The following DBH variants were observed in gnomAD, a reference collection of about 807,000 sequenced individuals.
DBH encodes dopamine beta-hydroxylase (dopamine beta-monooxygenase).
DBH carries 49 observed loss-of-function variants against 64.0 expected under a neutral mutation model. The observed-to-expected ratio is 0.77, with a 90% confidence interval of 0.61 to 0.97. DBH has a LOEUF of 0.97. DBH is among the 50% of genes least tolerant of loss of function. The pLI, the probability that DBH is intolerant of heterozygous loss-of-function variation, is 0.00. For missense variants in DBH, 828 were observed against 826.6 expected (o/e 1.00, Z -0.02); for synonymous variants, 343 against 347.1 (o/e 0.99, Z 0.13).
At chr9:133,651,495 G>A (rs1832247706) in intron 6 of DBH, 139 bp from the exon 7 acceptor site, 41 of 1,091,782 alleles carry the variant, frequency 3.8e-5, no homozygotes, top group Non-Finnish European at 5.0e-5. Flanking sequence ...TAACCTGGCC[G>A]GGGAGAAAGA....
intron 7 of DBH, 87 bp from the exon 8 acceptor site, chr9:133,652,159 G>T: frequency 2.0e-6 from 3 of 1,485,766 alleles, no homozygotes; most frequent in Non-Finnish European, 2.8e-6. Flanking sequence ...GGTCAGGGAG[G>T]CCTGAGGGAG....
At chr9:133,647,821 C>A in intron 5 of DBH, 25 bp from the exon 6 acceptor site, 1 of 1,614,066 alleles carries the variant, frequency 6.2e-7, no homozygotes, top group South Asian at 1.1e-5. Context: ...TACCGCTCAC[C>A]TCCATCCATC....
intron 5 of DBH, among the ~76,000 whole-genome samples, chr9:133,647,635 G>A (rs1300077481): frequency 5.9e-5 from 9 of 152,210 alleles, no homozygotes; most frequent in Non-Finnish European, 8.8e-5. Context: ...GCCTGTTTGC[G>A]TTAATTGATC....
Position 133,658,585 on chromosome 9 carries a change from G to A in DBH, c.*138G>A. The A allele has an allele frequency of 9.7e-7, 1 of 1,031,572 alleles. No homozygotes were observed. The highest frequency in any genetic ancestry group is 1.4e-6 in the Non-Finnish European group (1 of 737,856). The allele number at this position is 1,031,572 out of a possible 1,614,324, so 63.9% of individuals were successfully genotyped here. ...GGGGCCAGACCACGCCCCTGCCTGA[G>A]ACCACGGTCCAATCCAGCCTTCTTC... is the stretch of plus-strand genomic sequence containing the variant. On this transcript the variant is annotated 3_prime_UTR_variant, in exon 12 of 12. Coordinates refer to ENST00000393056, the MANE Select transcript of DBH (RefSeq NM_000787.4).
intron 1 of DBH, among the ~76,000 whole-genome samples, chr9:133,637,015 C>T (rs968715038): frequency 6.6e-6 from 1 of 152,172 alleles, no homozygotes; most frequent in Non-Finnish European, 1.5e-5. Context: ...ACACTCGTGC[C>T]GCTCCACACC....
chr9:133,642,567 AG>A, intron 3 of DBH, 103 bp downstream of exon 3: 2 of 1,424,630 alleles, frequency 1.4e-6, no homozygotes, highest in Non-Finnish European at 1.9e-6. Flanking sequence ...TGGTTGGACC[AG>A]GTGTCCTCTT....
chr9:133,637,849 C>T (rs1832070980), intron 1 of DBH, among the ~76,000 whole-genome samples: 1 of 152,194 alleles, frequency 6.6e-6, no homozygotes, highest in Non-Finnish European at 1.5e-5. Context: ...CTGGGAAGGG[C>T]CCTGCTCTGA....
chr9:133,637,642 T>C (rs3025386), intron 1 of DBH, among the ~76,000 whole-genome samples: 33,628 of 152,262 alleles, frequency 0.22, 4,548 homozygotes, highest in African/African-American at 0.39. Context: ...CAGCTCTGCA[T>C]CTTGGTCTCA....
rs1187789846 is a variant in DBH, at chr9:133,658,017, CT to C, written c.1723-298del. Among the ~76,000 whole-genome samples, 3 of 152,256 alleles carry C rather than the reference CT, an allele frequency of 2.0e-5. No homozygotes were observed. In the East Asian group the frequency reaches 5.8e-4, roughly 29 times the overall value. On this transcript the variant is annotated intron_variant, in intron 11 of 11. Transcript: ENST00000393056. ...AGAGATAGCTAAAAAATATCAGAGC[CT>C]GCAGCCAGGGGCTCTGGTTGCTACA...
intron 8 of DBH, 81 bp from the exon 9 acceptor site, chr9:133,652,859 C>G: frequency 1.1e-6 from 1 of 936,282 alleles, no homozygotes; most frequent in East Asian, 2.4e-5. Context: ...TGCACAGTGG[C>G]GTGGTCCTAT....
At chr9:133,645,930 G>A (rs1448493919) in intron 5 of DBH, among the ~76,000 whole-genome samples, 1 of 152,102 alleles carries the variant, frequency 6.6e-6, no homozygotes, top group Non-Finnish European at 1.5e-5. Flanking sequence ...AGCATTTTTG[G>A]CACCCAGGGA....
chr9:133,644,440 C>T (rs1832157938), intron 5 of DBH, 120 bp downstream of exon 5: 3 of 823,358 alleles, frequency 3.6e-6, no homozygotes, highest in Non-Finnish European at 6.1e-6. Context: ...CTCCTCTTGG[C>T]ACGAGGCCCT....
rs141383178 is a variant in DBH at position 133,641,901 on chromosome 9, C to T, written c.487-306C>T. Among the ~76,000 whole-genome samples, 189 of 152,328 alleles carry T rather than the reference C, an allele frequency of 1.2e-3. 1 individual carries two copies. Among genetic ancestry groups the T allele is most frequent in the Non-Finnish European group, 2.1e-3 (142 of 68,034 alleles). On this transcript the variant is annotated intron_variant, in intron 2 of 11. Coordinates refer to ENST00000393056, the MANE Select transcript of DBH (RefSeq NM_000787.4). Reference sequence around the variant, plus strand: ...GGGTTGGTGGAGGGAACAAATGTTCCGGCCACACTGGCTCACGGCGGGCCC... The same window carrying T: ...GGGTTGGTGGAGGGAACAAATGTTCTGGCCACACTGGCTCACGGCGGGCCC...
At position 133,643,436 on chromosome 9, in the gene DBH, C is replaced by T; in HGVS notation, c.768C>T (p.Gly256=). 1 of 1,613,960 alleles carries T rather than the reference C, an allele frequency of 6.2e-7. No individual in the cohort carries two copies. The highest frequency in any genetic ancestry group is 2.2e-5 in the East Asian group (1 of 44,868). ...IIKYEPIVTK[G]NEALVHHMEV... is the part of the protein sequence containing the mutation. ...AGTACGAGCCCATCGTCACCAAGGG[C>T]AATGAGGCCCTTGTCCACCACATGG... Residue 256 remains glycine (G), a synonymous_variant, in exon 4 of 12, where the codon GGC becomes GGT. Transcript: ENST00000393056. This position sits in a 1 kb window ranked among gnomAD's most constrained non-coding sequence, Gnocchi z 5.3.
intron 11 of DBH, among the ~76,000 whole-genome samples, chr9:133,657,582 T>A (rs1172424633): frequency 6.6e-6 from 1 of 151,804 alleles, no homozygotes; most frequent in Non-Finnish European, 1.5e-5. Context: ...TGGTGACACC[T>A]CCACACTGTA....
intron 6 of DBH, among the ~76,000 whole-genome samples, chr9:133,649,737 C>T (rs1454459515): frequency 6.6e-6 from 1 of 152,246 alleles, no homozygotes; most frequent in African/African-American, 2.4e-5. Flanking sequence ...GTAAAAGGCA[C>T]CTTGGCCAGG....
At chr9:133,647,135 A>G (rs1832191047) in intron 5 of DBH, among the ~76,000 whole-genome samples, 1 of 152,186 alleles carries the variant, frequency 6.6e-6, no homozygotes, top group Non-Finnish European at 1.5e-5. Flanking sequence ...CTGGGGGGCC[A>G]CATTCTCACT....
Position 133,643,760 on chromosome 9 carries a change from T to C in DBH, c.921+171T>C, listed in dbSNP as rs1267140167. ...AGGTGGCCCCCTCGCCTCTGTGATG[T>C]CTGAAATGCTTCAAGCCTTTTTTTT... On this transcript the variant is annotated intron_variant, in intron 4 of 11. Coordinates refer to ENST00000393056, the MANE Select transcript of DBH (RefSeq NM_000787.4). This position sits in a 1 kb window ranked among gnomAD's most constrained non-coding sequence, Gnocchi z 5.3. Among the ~76,000 whole-genome samples the C allele has an allele frequency of 6.6e-6, 1 of 152,184 alleles. No homozygotes were observed. The highest frequency in any genetic ancestry group is 1.5e-5 in the Non-Finnish European group (1 of 68,026).
chr9:133,637,486 T>C (rs1467765166), intron 1 of DBH, among the ~76,000 whole-genome samples: 1 of 152,228 alleles, frequency 6.6e-6, no homozygotes, highest in Non-Finnish European at 1.5e-5. Flanking sequence ...CACCAGGGCT[T>C]CTTTGTGGAT....
Sources: gnomAD v4.1 joint callset for allele counts (sites outside exome capture counted in the v4.1 genomes callset) on GRCh38, gnomAD v4.1.1 for gene constraint, Gnocchi (gnomAD v3.1) non-coding constraint, MANE v1.5 for transcripts, NCBI Gene and HGNC (gene_info 2026-07-23, HGNC 2026-07-21) for gene names.